Variants in XRRA1 observed in about 807,000 individuals in gnomAD.
XRRA1 encodes the protein X-ray radiation resistance associated 1, also known as X-ray radiation resistance-associated protein 1.
Under a neutral mutation model 80.2 loss-of-function variants are expected in XRRA1, and 69 were observed. That is an observed-to-expected ratio of 0.86 (90% CI 0.71 to 1.05). XRRA1 has a LOEUF of 1.05. Among genes scored for constraint, XRRA1 ranks in the 50% least tolerant of loss-of-function variants. XRRA1 has a pLI of 0.00. For synonymous variants in XRRA1, 348 were observed against 389.9 expected, an observed-to-expected ratio of 0.89 and a Z score of 1.27; for missense variants, 967 against 976.4, an observed-to-expected ratio of 0.99 and a Z score of 0.13.
chr11:74,922,572 AC>A (rs1325005180), intron 7 of XRRA1, among the ~76,000 whole-genome samples: 1 of 152,078 alleles, frequency 6.6e-6, no homozygotes, highest in Non-Finnish European at 1.5e-5. Flanking sequence ...TCCTCAACAT[AC>A]ATTGAAGTCT....
chr11:74,879,464 C>G (rs1291731130), intron 10 of XRRA1, among the ~76,000 whole-genome samples: 1 of 152,114 alleles, frequency 6.6e-6, no homozygotes, highest in Non-Finnish European at 1.5e-5. Flanking sequence ...ATTTCCTTCT[C>G]CTGCCTAATT....
At chr11:74,934,633 T>A (rs1319691851) in intron 4 of XRRA1, among the ~76,000 whole-genome samples, 1 of 152,114 alleles carries the variant, frequency 6.6e-6, no homozygotes, top group African/African-American at 2.4e-5. Context: ...ATAGGTCTCA[T>A]GAAAGTGGGT....
intron 18 of XRRA1, 34 bp downstream of exon 18, chr11:74,843,820 A>C: frequency 6.4e-7 from 1 of 1,570,764 alleles, no homozygotes; most frequent in Middle Eastern, 1.7e-4. Flanking sequence ...CGTGAACTGG[A>C]TCTGGGATCC....
chr11:74,902,503 T>G (rs550879536), intron 10 of XRRA1, among the ~76,000 whole-genome samples: 1 of 152,192 alleles, frequency 6.6e-6, no homozygotes, highest in Admixed American at 6.5e-5. Flanking sequence ...TAGCCAAGAT[T>G]TGGAAGCAAC....
rs7394694 is a variant in XRRA1, at chr11:74,891,206, C to T, written c.1003+15033G>A. Among the ~76,000 whole-genome samples the T allele has an allele frequency of 4.6e-3, 706 of 152,174 alleles. 6 individuals are homozygous for T. The highest frequency in any genetic ancestry group is 8.1e-3 in the Non-Finnish European group (548 of 67,990). ...AGCACATCAAAAAGCTTATCCACCA[C>T]GATGAAGTGGGCTTCATCCCTGGGA... is the stretch of plus-strand genomic sequence containing the variant. On this transcript the variant is annotated intron_variant, in intron 10 of 18. Transcript: ENST00000684022.
At chr11:74,869,210 T>G (rs2044204468) in intron 10 of XRRA1, among the ~76,000 whole-genome samples, 1 of 152,044 alleles carries the variant, frequency 6.6e-6, no homozygotes, top group Non-Finnish European at 1.5e-5. Context: ...AACCATATAA[T>G]TACATTGAAA....
rs772030172 is a variant in XRRA1, at chr11:74,843,314, G to A, written c.2289C>T (p.Thr763=). ...SGSLRTVFGT[T]PLPMACPALS... ...GCGCTGGGCAGGCCATGGGGAGCGG[G>A]GTAGTCCCGAACACTGTGCGCAGAG... The change falls in exon 19 of 19, where the codon ACC becomes ACT. Residue 763 remains threonine (T), a synonymous_variant. Transcript: ENST00000684022. The A allele has an allele frequency of 6.2e-7, 1 of 1,605,474 alleles. No homozygotes were observed.
At chr11:74,900,849 G>A (rs370884191) in intron 10 of XRRA1, among the ~76,000 whole-genome samples, 11 of 152,230 alleles carry the variant, frequency 7.2e-5, no homozygotes, top group East Asian at 5.8e-4. Context: ...AGTTAGTATC[G>A]TACTAAATGG....
chr11:74,948,511 A>G (rs1385909481), intron 1 of XRRA1, among the ~76,000 whole-genome samples: 2 of 152,242 alleles, frequency 1.3e-5, no homozygotes, highest in East Asian at 3.8e-4. Context: ...AAAATCTAGA[A>G]TACTATTACA....
intron 10 of XRRA1, among the ~76,000 whole-genome samples, chr11:74,892,414 T>C (rs1302773132): frequency 6.6e-6 from 1 of 152,136 alleles, no homozygotes; most frequent in Non-Finnish European, 1.5e-5. Flanking sequence ...TCAAGATGGA[T>C]TAAAGACTTA....
At chr11:74,851,012 C>T (rs2039685922) in intron 14 of XRRA1, 76 bp downstream of exon 14, 4 of 1,127,394 alleles carry the variant, frequency 3.5e-6, no homozygotes, top group Non-Finnish European at 5.0e-6. Flanking sequence ...AGCAGCTCTA[C>T]AGCCAGGTTG....
intron 11 of XRRA1, among the ~76,000 whole-genome samples, chr11:74,860,481 G>A (rs2042091067): frequency 6.6e-6 from 1 of 152,266 alleles, no homozygotes; most frequent in Non-Finnish European, 1.5e-5. Context: ...AACTGGCCCT[G>A]ATGGGGGCAG....
chr11:74,927,809 A>C (rs1383428389), intron 6 of XRRA1, among the ~76,000 whole-genome samples: 1 of 152,250 alleles, frequency 6.6e-6, no homozygotes, highest in South Asian at 2.1e-4. Flanking sequence ...GATTACAAAA[A>C]TTAAAACACA....
Position 74,848,395 on chromosome 11 carries a change from G to C in XRRA1, c.1448C>G (p.Thr483Ser). The part of the protein sequence containing the change: ...LVLHHPRMTT[T>S]KSPSKDMLEP... ...TAGCATATCCTTTGAGGGAGACTTGGTTGTCGTCATGCGCGGGTGATGGAG... is the reference window on the plus strand; with the variant it reads ...TAGCATATCCTTTGAGGGAGACTTGCTTGTCGTCATGCGCGGGTGATGGAG... The change falls in exon 15 of 19, where the codon ACC (threonine) becomes AGC (serine). Residue 483 changes from threonine to serine, a missense_variant. Transcript: ENST00000684022. 2 of 1,613,954 alleles carry C rather than the reference G, an allele frequency of 1.2e-6. No homozygotes were observed. Among genetic ancestry groups the C allele is most frequent in the Non-Finnish European group, 1.7e-6 (2 of 1,179,878 alleles).
intron 10 of XRRA1, among the ~76,000 whole-genome samples, chr11:74,879,555 G>T (rs1289980524): frequency 6.6e-6 from 1 of 152,074 alleles, no homozygotes; most frequent in Admixed American, 6.6e-5. Flanking sequence ...TTTTCAAAGG[G>T]AATGCTTCCA....
chr11:74,851,340 TCCTA>T (rs774972623), intron 13 of XRRA1, 137 bp from the exon 14 acceptor site: 6 of 558,036 alleles, frequency 1.1e-5, no homozygotes, highest in Non-Finnish European at 1.9e-5. Flanking sequence ...GGTCGAGAAT[TCCTA>T]CCTCCTAGGA....
At position 74,843,876 on chromosome 11, in the gene XRRA1, C is replaced by G; in HGVS notation, c.2127G>C (p.Arg709=). Residue 709 remains arginine (R), a synonymous_variant, in exon 18 of 19, where the codon CGG becomes CGC. Coordinates refer to ENST00000684022, the MANE Select transcript of XRRA1 (RefSeq NM_001378157.1). ...TACCTAGTGGAGCCTCTGTAATGTTCCGGGGATCCCGCAAGCGAATGAAGA... is the reference window on the plus strand; with the variant it reads ...TACCTAGTGGAGCCTCTGTAATGTTGCGGGGATCCCGCAAGCGAATGAAGA... The part of the protein sequence containing the change: ...DDIFIRLRDP[R]NITEAPLGAV... 1 of 1,611,532 alleles carries G rather than the reference C, an allele frequency of 6.2e-7. No homozygotes were observed. The highest frequency in any genetic ancestry group is 1.1e-5 in the South Asian group (1 of 90,312).
At chr11:74,924,257 C>G (rs1320211419) in intron 7 of XRRA1, among the ~76,000 whole-genome samples, 4 of 150,316 alleles carry the variant, frequency 2.7e-5, no homozygotes, top group Non-Finnish European at 5.9e-5. Flanking sequence ...GGGCAGATCA[C>G]GAGGTCAGGA....
chr11:74,925,272 T>A (rs1218362878), intron 7 of XRRA1, among the ~76,000 whole-genome samples: 1 of 152,200 alleles, frequency 6.6e-6, no homozygotes, highest in African/African-American at 2.4e-5. Flanking sequence ...CTGAACCTTC[T>A]TCAGATCTGT....
Sources: allele counts gnomAD v4.1 joint callset (sites outside exome capture counted in the v4.1 genomes callset), GRCh38; gene constraint gnomAD v4.1.1; transcripts MANE v1.5; gene names NCBI Gene and HGNC (gene_info 2026-07-23, HGNC 2026-07-21).